ABCC3: variants seen among roughly 807,000 people sequenced by gnomAD.
The protein encoded by ABCC3 is ATP-binding cassette sub-family C member 3.
Under a neutral mutation model 165.3 loss-of-function variants are expected in ABCC3, and 121 were observed. That is an observed-to-expected ratio of 0.73 (90% CI 0.63 to 0.85). The LOEUF (loss-of-function observed/expected upper bound fraction) is 0.85, where lower values mean the gene tolerates loss of function less well. Among genes scored for constraint, ABCC3 ranks in the 40% least tolerant of loss-of-function variants. The pLI is 0.00. For missense variants in ABCC3, 1,869 were observed against 1,964.1 expected (o/e 0.95, Z 0.92); for synonymous variants, 733 against 810.1 (o/e 0.90, Z 1.62).
Position 50,634,950 on chromosome 17 carries a change from G to A in ABCC3, c.14G>A (p.Cys5Tyr), listed in dbSNP as rs1441869617. 1.3e-5 allele frequency: 16 copies of A among 1,261,048 alleles called. No individual in the cohort carries two copies. The highest frequency in any genetic ancestry group is 1.6e-5 in the Non-Finnish European group (16 of 1,001,056). The allele number at this position is 1,261,048 out of a possible 1,614,324, so 78.1% of individuals were successfully genotyped here. A position where few individuals can be genotyped will look rare whatever the true frequency, so the allele number is the denominator to read the frequency against. Residue 5 changes from cysteine (C) to tyrosine (Y), a missense_variant, in exon 1 of 31, where the codon TGC becomes TAC. Transcript: ENST00000285238. MDALCGSGELGSKFW... is the reference protein window; with the variant it reads MDALYGSGELGSKFW... ...CGCCTCGGCCCCATGGACGCCCTGT[G>A]CGGTTCCGGGGAGCTCGGCTCCAAG...
Position 50,669,459 on chromosome 17 carries a change from G to A in ABCC3, c.2172G>A (p.Leu724=). Residue 724 remains leucine, a synonymous_variant, in exon 17 of 31, where the codon CTG becomes CTA. Transcript: ENST00000285238. The stretch of plus-strand genomic sequence containing the variant: ...ACCCCAAGCGCTACCAGCAGACTCT[G>A]GAGGCCTGTGCCTTGCTAGCTGACC... ...ALNPKRYQQT[L]EACALLADLE... is the part of the protein sequence containing the mutation. 1 of 1,614,260 alleles carries A rather than the reference G, an allele frequency of 6.2e-7. No individual in the cohort carries two copies. Among genetic ancestry groups the A allele is most frequent in the Non-Finnish European group, 8.5e-7 (1 of 1,180,044 alleles).
chr17:50,677,891 A>G lies in ABCC3; in HGVS notation c.3526A>G (p.Thr1176Ala). ...CCGGGATTTTGAGATCATCAGTGAT[A>G]CTAAGGTGGATGCCAACCAGAGAAG... ...RSRDFEIISD[T>A]KVDANQRSCY... The change falls in exon 24 of 31, where the codon ACT (threonine) becomes GCT (alanine). Residue 1176 changes from threonine to alanine, a missense_variant. By Grantham distance (58) the Thr-to-Ala change is moderately conservative. Transcript: ENST00000285238. The G allele has an allele frequency of 6.2e-7, 1 of 1,614,148 alleles. No individual in the cohort carries two copies. Among genetic ancestry groups the G allele is most frequent in the South Asian group, 1.1e-5 (1 of 91,082 alleles).
At chr17:50,643,233 G>A (rs1966923774) in intron 1 of ABCC3, among the ~76,000 whole-genome samples, 1 of 152,190 alleles carries the variant, frequency 6.6e-6, no homozygotes, top group Non-Finnish European at 1.5e-5. Flanking sequence ...GGGCAGCTTT[G>A]GGACAGGCTA....
chr17:50,669,338 T>C lies in ABCC3; in HGVS notation c.2065-14T>C. 3 of 1,614,104 alleles carry C rather than the reference T, an allele frequency of 1.9e-6. No homozygotes were observed. Among genetic ancestry groups the C allele is most frequent in the Non-Finnish European group, 2.5e-6 (3 of 1,179,988 alleles). ...CCTTGGGCAAGCCCCGAGGTAAATT[T>C]CTCCTGTGGCCAGGGCTCCGTGGCC... is the stretch of plus-strand genomic sequence containing the variant. On this transcript the variant is annotated splice_polypyrimidine_tract_variant and intron_variant, in intron 16 of 30. Transcript: ENST00000285238.
chr17:50,660,937 C>T lies in ABCC3; in HGVS notation c.821C>T (p.Ala274Val). The stretch of plus-strand genomic sequence containing the variant: ...CCCTGGACCAGACACAAGGCTTCAG[C>T]AGCACCTGGGAAAAATGCCTCCGGC... ...EKQTARHKASAAPGKNASGED... is the reference protein window; with the variant it reads ...EKQTARHKASVAPGKNASGED... The change falls in exon 8 of 31, where the codon GCA (alanine) becomes GTA (valine). Residue 274 changes from alanine to valine, a missense_variant. Transcript: ENST00000285238. 8 of 1,603,790 alleles carry T rather than the reference C, an allele frequency of 5.0e-6. No homozygotes were observed. The highest frequency in any genetic ancestry group is 6.8e-6 in the Non-Finnish European group (8 of 1,175,380).
At chr17:50,679,626 C>G in intron 25 of ABCC3, 172 bp from the exon 26 acceptor site, 1 of 590,272 alleles carries the variant, frequency 1.7e-6, no homozygotes. Flanking sequence ...GGGAGTCATT[C>G]GTGATTACAG....
rs370410491 is a variant in ABCC3, at chr17:50,683,597, C to T, written c.3808-13C>T. 2.3e-5 allele frequency: 35 copies of T among 1,544,944 alleles called. No individual in the cohort carries two copies. Among genetic ancestry groups the T allele is most frequent in the Non-Finnish European group, 3.0e-5 (34 of 1,147,308 alleles). On this transcript the variant is annotated splice_polypyrimidine_tract_variant and intron_variant, in intron 26 of 30. Coordinates refer to ENST00000285238, the MANE Select transcript of ABCC3 (RefSeq NM_003786.4). Reference sequence around the variant, plus strand: ...TGGGCAGCTGATGTGACCCCATCTGCCCCTCCTGCCAGGCGCCCTGGGTGG... The same window carrying T: ...TGGGCAGCTGATGTGACCCCATCTGTCCCTCCTGCCAGGCGCCCTGGGTGG...
chr17:50,664,474 G>A (rs1197567225), intron 10 of ABCC3: 3 of 256,318 alleles, frequency 1.2e-5, no homozygotes, highest in African/African-American at 6.7e-5. Flanking sequence ...GGAGACCAAG[G>A]CGGGTGGATC....
intron 1 of ABCC3, 61 bp downstream of exon 1, chr17:50,635,042 C>A: frequency 8.0e-7 from 1 of 1,245,668 alleles, no homozygotes; most frequent in Non-Finnish European, 1.0e-6. Context: ...TTCGCCCGGT[C>A]CCCGCCGCCT....
chr17:50,650,689 T>G (rs1470046569), intron 1 of ABCC3, among the ~76,000 whole-genome samples: 2 of 152,224 alleles, frequency 1.3e-5, no homozygotes, highest in African/African-American at 4.8e-5. Flanking sequence ...CATATATTCC[T>G]TTTTCTTACC....
chr17:50,683,233 T>C (rs939669658), intron 26 of ABCC3, among the ~76,000 whole-genome samples: 1 of 150,292 alleles, frequency 6.7e-6, no homozygotes, highest in African/African-American at 2.5e-5. Context: ...TAGCCAGGCA[T>C]GGTGGCATGT....
chr17:50,685,037 A>G lies in ABCC3; in HGVS notation c.4280+162A>G, dbSNP rs369986966. Reference sequence around the variant, plus strand: ...ATATTCCGTGTGCCAGGCATGGTGTACTGCCCCGCCGACTCCTCACACAAG... The same window carrying G: ...ATATTCCGTGTGCCAGGCATGGTGTGCTGCCCCGCCGACTCCTCACACAAG... On this transcript the variant is annotated intron_variant, in intron 29 of 30. Transcript: ENST00000285238. Among the ~76,000 whole-genome samples, 152 of 152,280 alleles carry G rather than the reference A, an allele frequency of 1.0e-3. 1 individual carries two copies. The highest frequency in any genetic ancestry group is 3.5e-3 in the African/African-American group (147 of 41,554).
intron 30 of ABCC3, among the ~76,000 whole-genome samples, chr17:50,690,635 C>T (rs968974791): frequency 6.6e-6 from 1 of 151,922 alleles, no homozygotes; most frequent in African/African-American, 2.4e-5. Context: ...GCAGCAGCAG[C>T]AGCCGCAGCA....
chr17:50,655,415 AAAAAAAC>A (rs1200617640), intron 1 of ABCC3, among the ~76,000 whole-genome samples: 9 of 148,612 alleles, frequency 6.1e-5, no homozygotes, highest in African/African-American at 2.0e-4. Flanking sequence ...AAAAAAAAAA[AAAAAAAC>A]AAAAACAAAA....
chr17:50,682,682 C>G (rs923390938), intron 26 of ABCC3, among the ~76,000 whole-genome samples: 2 of 152,180 alleles, frequency 1.3e-5, no homozygotes, highest in Admixed American at 1.3e-4. Context: ...AGCAGCAACA[C>G]TAAGCACTTC....
chr17:50,675,980 T>C lies in ABCC3; in HGVS notation c.2957T>C (p.Ile986Thr), dbSNP rs758367574. The C allele has an allele frequency of 1.9e-6, 3 of 1,614,062 alleles. No individual in the cohort carries two copies. Among genetic ancestry groups the C allele is most frequent in the African/African-American group, 1.3e-5 (1 of 74,916 alleles). The change falls in exon 22 of 31, where the codon ATT becomes ACT. Residue 986 changes from isoleucine to threonine, a missense_variant. Physicochemically the swap from Ile to Thr is moderately conservative, Grantham distance 89. Coordinates refer to ENST00000285238, the MANE Select transcript of ABCC3 (RefSeq NM_003786.4). ...TATGTGGGTCAAAGTGCGGCTGCCA[T>C]TGGAGCCAATGTGTGGCTCAGTGCC... The part of the protein sequence containing the change: ...LLYVGQSAAA[I>T]GANVWLSAWT...
chr17:50,668,945 C>T (rs1967583984), intron 15 of ABCC3, 26 bp downstream of exon 15: 2 of 1,612,570 alleles, frequency 1.2e-6, no homozygotes, highest in East Asian at 4.5e-5. Context: ...ACTCCCTTCC[C>T]AGCTGCCCAC....
At chr17:50,670,123 C>A (rs1016420011) in intron 17 of ABCC3, among the ~76,000 whole-genome samples, 6 of 151,798 alleles carry the variant, frequency 4.0e-5, no homozygotes, top group Non-Finnish European at 8.8e-5. Context: ...GCTCTGTCAC[C>A]CAGGCTGGAG....
intron 8 of ABCC3, among the ~76,000 whole-genome samples, chr17:50,661,536 G>A (rs2146612059): frequency 6.6e-6 from 1 of 152,290 alleles, no homozygotes; most frequent in Admixed American, 6.5e-5. Flanking sequence ...CCACCATCAG[G>A]CTCTAACATC....
Sources: gnomAD v4.1 joint callset for allele counts (sites outside exome capture counted in the v4.1 genomes callset) on GRCh38, gnomAD v4.1.1 for gene constraint, MANE v1.5 for transcripts, NCBI Gene and HGNC (gene_info 2026-07-23, HGNC 2026-07-21) for gene names.